SPECC1: variants seen among roughly 807,000 people sequenced by gnomAD.
SPECC1 encodes the protein sperm antigen with calponin homology and coiled-coil domains 1.
Under a neutral mutation model 104.1 loss-of-function variants are expected in SPECC1, and 62 were observed. That is an observed-to-expected ratio of 0.60 (90% confidence interval 0.49 to 0.74). The LOEUF (loss-of-function observed/expected upper bound fraction) is 0.74. Among genes scored for constraint, SPECC1 ranks in the 30% least tolerant of loss-of-function variants. The pLI is 0.00. For synonymous variants in SPECC1, 513 were observed against 501.6 expected (o/e 1.02, Z -0.30); for missense variants, 1,306 against 1,310.5 (o/e 1.00, Z 0.05).
chr17:20,085,682 A>G (rs1253621410), intron 1 of SPECC1, among the ~76,000 whole-genome samples: 2 of 152,248 alleles, frequency 1.3e-5, no homozygotes, highest in Non-Finnish European at 2.9e-5. Flanking sequence ...TGTGGGTTAG[A>G]AAAGAAAATC....
chr17:20,175,790 C>T (rs2034432046), intron 3 of SPECC1, among the ~76,000 whole-genome samples: 1 of 152,174 alleles, frequency 6.6e-6, no homozygotes, highest in Admixed American at 6.5e-5. Context: ...GGGGCCTGGG[C>T]CTCTGCCGGG....
intron 1 of SPECC1, among the ~76,000 whole-genome samples, chr17:20,015,575 C>T (rs1321978636): frequency 7.3e-6 from 1 of 137,390 alleles, no homozygotes; most frequent in Non-Finnish European, 1.6e-5. Flanking sequence ...TTTAACTTTC[C>T]GGGTCTCTAT....
intron 3 of SPECC1, among the ~76,000 whole-genome samples, chr17:20,156,958 T>TG (rs1238277186): frequency 6.6e-6 from 1 of 151,930 alleles, no homozygotes; most frequent in East Asian, 1.9e-4. Context: ...AGGAAAGAGG[T>TG]GGTTGACCTG....
chr17:20,039,317 T>G (rs2045226408), intron 1 of SPECC1, among the ~76,000 whole-genome samples: 3 of 152,220 alleles, frequency 2.0e-5, no homozygotes, highest in Admixed American at 6.5e-5. Flanking sequence ...GATTTTTTTG[T>G]CTAGTTGTTC....
chr17:20,091,040 T>G (rs1271969620), intron 1 of SPECC1, among the ~76,000 whole-genome samples: 1 of 152,228 alleles, frequency 6.6e-6, no homozygotes, highest in Admixed American at 6.5e-5. Flanking sequence ...GGTGGTGTGG[T>G]TAGCGATGTA....
At chr17:20,044,798 A>G (rs1050789700) in intron 1 of SPECC1, among the ~76,000 whole-genome samples, 1 of 152,226 alleles carries the variant, frequency 6.6e-6, no homozygotes, top group East Asian at 1.9e-4. Flanking sequence ...GGGTTTAGGC[A>G]GAAGGCACAT....
At chr17:20,184,607 T>C (rs180940057) in intron 3 of SPECC1, among the ~76,000 whole-genome samples, 90 of 152,302 alleles carry the variant, frequency 5.9e-4, no homozygotes, top group Non-Finnish European at 1.2e-3. Flanking sequence ...ATCTCTACTG[T>C]GCCTCAGTTT....
intron 1 of SPECC1, among the ~76,000 whole-genome samples, chr17:20,052,452 T>G (rs146051930): frequency 6.6e-6 from 1 of 152,306 alleles, no homozygotes; most frequent in Non-Finnish European, 1.5e-5. Context: ...GAGTTCTAGC[T>G]CAGAAACACC....
intron 7 of SPECC1, among the ~76,000 whole-genome samples, chr17:20,234,081 C>T (rs1182353188): frequency 6.6e-6 from 1 of 152,186 alleles, no homozygotes; most frequent in Non-Finnish European, 1.5e-5. Context: ...AGCGTGAACC[C>T]TGATATTCTA....
At chr17:20,121,306 G>A (rs919701143) in intron 3 of SPECC1, among the ~76,000 whole-genome samples, 2 of 151,828 alleles carry the variant, frequency 1.3e-5, no homozygotes, top group African/African-American at 4.8e-5. Flanking sequence ...TTTCTAATTG[G>A]TTTTATTTCA....
At chr17:20,021,895 GTCTC>G (rs1237309928) in intron 1 of SPECC1, among the ~76,000 whole-genome samples, 8 of 147,728 alleles carry the variant, frequency 5.4e-5, no homozygotes, top group Non-Finnish European at 1.0e-4. Flanking sequence ...GACTTTAGCA[GTCTC>G]TCTCTTTTTA....
intron 12 of SPECC1, among the ~76,000 whole-genome samples, chr17:20,271,860 C>G (rs916190880): frequency 6.6e-6 from 1 of 151,708 alleles, no homozygotes; most frequent in Non-Finnish European, 1.5e-5. Context: ...TTGTTTTACC[C>G]TGATGCTTGA....
intron 3 of SPECC1, among the ~76,000 whole-genome samples, chr17:20,115,813 A>G (rs1035970336): frequency 1.2e-4 from 18 of 152,228 alleles, no homozygotes; most frequent in Non-Finnish European, 1.9e-4. Context: ...ATTCCCATTA[A>G]AGTCAAAGAT....
chr17:20,288,771 C>CTTTTT (rs60578647), intron 12 of SPECC1, among the ~76,000 whole-genome samples: 11 of 73,702 alleles, frequency 1.5e-4, no homozygotes, highest in Admixed American at 3.5e-4. Context: ...AAGGGCACTT[C>CTTTTT]TTTTTTTTTT....
At position 20,156,060 on chromosome 17, in the gene SPECC1, A is replaced by C. The variant is rs1265171334; in HGVS notation, c.283+45498A>C. The C allele has an allele frequency of 2.8e-5, 36 of 1,295,752 alleles. No homozygotes were observed. The East Asian group carries it at 1.1e-3, about 40-fold the overall frequency. 80.3% of individuals were successfully genotyped at this position (1,295,752 alleles called of 1,614,324 possible). ...TCCGCCGGCAGCTGCTGGGAACTGG[A>C]AGGCGCCCGGTCCTTTCTTTGACTG... On this transcript the variant is annotated intron_variant, in intron 3 of 14. Coordinates refer to ENST00000395527, the MANE Select transcript of SPECC1 (RefSeq NM_001243439.2).
rs2045032586 is a variant in SPECC1, at chr17:20,035,458, TA to T, written c.-22+26035del. ...TATTTAAGTCTTCTTTGATTTCTTT[TA>T]TCAGCGTTTTGTAGTTTTCAGCACA... On this transcript the variant is annotated intron_variant, in intron 1 of 14. Transcript: ENST00000395527. 2.6e-5 allele frequency among the ~76,000 whole-genome samples: 4 copies of T among 152,248 alleles called. No homozygotes were observed. The South Asian group carries it at 8.3e-4, about 31-fold the overall frequency.
Position 20,230,827 on chromosome 17 carries a change from T to C in SPECC1, c.2072-931T>C, listed in dbSNP as rs1280561646. On this transcript the variant is annotated intron_variant, in intron 5 of 14. Transcript: ENST00000395527. Reference sequence around the variant, plus strand: ...CTATAAGATCCTGATGGGAAAGGAATGGACTGGAAAATAAAAGGAAGTTAG... The same window carrying C: ...CTATAAGATCCTGATGGGAAAGGAACGGACTGGAAAATAAAAGGAAGTTAG... Among the ~76,000 whole-genome samples, 4 of 152,202 alleles carry C rather than the reference T, an allele frequency of 2.6e-5. No homozygotes were observed. In the South Asian group the frequency reaches 8.3e-4, roughly 31 times the overall value.
At position 20,302,984 on chromosome 17, in the gene SPECC1, G is replaced by A. The variant is rs529280321; in HGVS notation, c.3058-3039G>A. 1.3e-4 allele frequency among the ~76,000 whole-genome samples: 20 copies of A among 149,912 alleles called. No individual in the cohort carries two copies. In the South Asian group the frequency reaches 3.6e-3, roughly 27 times the overall value. Reference sequence around the variant, plus strand: ...ACGTTGAGTTTAAAAATGCTTTCTCGTTAGACCTTACTAGTAATCAATACA... The same window carrying A: ...ACGTTGAGTTTAAAAATGCTTTCTCATTAGACCTTACTAGTAATCAATACA... On this transcript the variant is annotated intron_variant, in intron 13 of 14. Coordinates refer to ENST00000395527, the MANE Select transcript of SPECC1 (RefSeq NM_001243439.2).
At position 20,316,102 on chromosome 17, in the gene SPECC1, C is replaced by T. The variant is rs1177097984; in HGVS notation, c.*2037C>T. The T allele has an allele frequency of 1.3e-5, 3 of 231,824 alleles. No individual in the cohort carries two copies. The highest frequency in any genetic ancestry group is 2.6e-5 in the Non-Finnish European group (3 of 117,186). 14.4% of individuals were successfully genotyped at this position (231,824 alleles called of 1,614,324 possible). ...CATGCCTTTGTATTTAAATGAAACT[C>T]GACACATAGAACCAATTCAACCTGA... On this transcript the variant is annotated 3_prime_UTR_variant, in exon 15 of 15. Coordinates refer to ENST00000395527, the MANE Select transcript of SPECC1 (RefSeq NM_001243439.2).
Sources: allele counts gnomAD v4.1 joint callset (sites outside exome capture counted in the v4.1 genomes callset), GRCh38; gene constraint gnomAD v4.1.1; transcripts MANE v1.5; gene names NCBI Gene and HGNC (gene_info 2026-07-23, HGNC 2026-07-21).